Variants in TAFA5 observed in about 807,000 individuals in gnomAD.
TAFA5 encodes the protein chemokine-like protein TAFA-5.
TAFA5 carries 6 observed loss-of-function variants against 15.3 expected under a neutral mutation model. The ratio of observed to expected loss-of-function variants is 0.39; its 90% CI spans 0.21 to 0.77. The LOEUF (loss-of-function observed/expected upper bound fraction) is 0.77. TAFA5 is among the 30% of genes least tolerant of loss of function. The probability of loss-of-function intolerance (pLI) is 0.41; values close to 1 mark genes in which losing one functional copy is unlikely to be tolerated. For synonymous variants in TAFA5, 103 were observed against 80.7 expected (o/e 1.28, Z -1.48); for missense variants, 161 against 193.1 (o/e 0.83, Z 0.98).
At chr22:48,690,148 A>C (rs1928493404) in intron 2 of TAFA5, among the ~76,000 whole-genome samples, 1 of 151,938 alleles carries the variant, frequency 6.6e-6, no homozygotes, top group African/African-American at 2.4e-5. Flanking sequence ...AAAGATGCTC[A>C]TAACTGCATT....
At chr22:48,567,017 G>A (rs1923430675) in intron 1 of TAFA5, among the ~76,000 whole-genome samples, 1 of 152,232 alleles carries the variant, frequency 6.6e-6, no homozygotes, top group Middle Eastern at 3.2e-3. Context: ...TTGTCTCCAG[G>A]TTTCGCTGTT....
At chr22:48,686,425 T>C (rs967163771) in intron 2 of TAFA5, among the ~76,000 whole-genome samples, 4 of 152,222 alleles carry the variant, frequency 2.6e-5, no homozygotes, top group African/African-American at 9.6e-5. Flanking sequence ...GGGGCCTCTC[T>C]CAGGTCCTTT....
intron 3 of TAFA5, among the ~76,000 whole-genome samples, chr22:48,710,846 T>C (rs914981144): frequency 2.0e-5 from 3 of 152,170 alleles, no homozygotes; most frequent in African/African-American, 7.2e-5. Flanking sequence ...CCTCACGGGC[T>C]TGGGAGCTCA....
chr22:48,603,122 C>T (rs111754277), intron 1 of TAFA5, among the ~76,000 whole-genome samples: 3 of 152,376 alleles, frequency 2.0e-5, no homozygotes, highest in African/African-American at 7.2e-5. Flanking sequence ...CCCCCCACGT[C>T]CAGGACCTGC....
At chr22:48,587,756 A>G (rs1419707359) in intron 1 of TAFA5, among the ~76,000 whole-genome samples, 1 of 152,208 alleles carries the variant, frequency 6.6e-6, no homozygotes, top group Non-Finnish European at 1.5e-5. Context: ...CCGCGTGAGC[A>G]TGCTCCAAAC....
chr22:48,594,093 T>C (rs1233743262), intron 1 of TAFA5, among the ~76,000 whole-genome samples: 1 of 152,210 alleles, frequency 6.6e-6, no homozygotes, highest in Non-Finnish European at 1.5e-5. Flanking sequence ...TCCCAGGCCC[T>C]GGTCATGCTC....
intron 3 of TAFA5, among the ~76,000 whole-genome samples, chr22:48,722,679 T>C (rs915709078): frequency 2.6e-5 from 4 of 151,878 alleles, no homozygotes; most frequent in Non-Finnish European, 2.9e-5. Flanking sequence ...CGTTCTGCCA[T>C]GTACCCCAGA....
rs1928094142 is a variant in TAFA5, at chr22:48,490,149, C to G, written c.112+445C>G. Among the ~76,000 whole-genome samples the G allele has an allele frequency of 6.6e-6, 1 of 152,142 alleles. No individual in the cohort carries two copies. The highest frequency in any genetic ancestry group is 6.5e-5 in the Admixed American group (1 of 15,282). On this transcript the variant is annotated intron_variant, in intron 1 of 3. Transcript: ENST00000402357. The surrounding 1 kb of genome is among the most constrained non-coding windows in gnomAD (Gnocchi z 5.8). ...GACAAGGGGGGAGGCGGCGGCCGAG[C>G]CCGGAGAGGAGCTCTTCAGGCAGGA...
chr22:48,536,355 T>C (rs1223826950), intron 1 of TAFA5, among the ~76,000 whole-genome samples: 2 of 152,346 alleles, frequency 1.3e-5, no homozygotes, highest in East Asian at 3.9e-4. Context: ...ATGTCCTTTG[T>C]CCGCCAACAA....
At chr22:48,494,629 C>T (rs180752607) in intron 1 of TAFA5, among the ~76,000 whole-genome samples, 5 of 152,276 alleles carry the variant, frequency 3.3e-5, no homozygotes, top group African/African-American at 1.2e-4. Context: ...CTGACAAGGG[C>T]CCCCTGATCT....
At chr22:48,608,903 C>T (rs755926983) in intron 1 of TAFA5, among the ~76,000 whole-genome samples, 1 of 152,234 alleles carries the variant, frequency 6.6e-6, no homozygotes, top group Non-Finnish European at 1.5e-5. Context: ...TGTGCTGTAG[C>T]GGAATAGGGC....
At chr22:48,649,537 T>C (rs976477877) in intron 2 of TAFA5, among the ~76,000 whole-genome samples, 9 of 152,194 alleles carry the variant, frequency 5.9e-5, no homozygotes, top group African/African-American at 2.2e-4. Context: ...GTAGAAGGCA[T>C]CTGATTAAAC....
At chr22:48,621,271 C>T (rs1217299484) in intron 1 of TAFA5, among the ~76,000 whole-genome samples, 1 of 147,076 alleles carries the variant, frequency 6.8e-6, no homozygotes, top group East Asian at 2.1e-4. Flanking sequence ...ACCTATCCAC[C>T]CACTCACCAG....
In TAFA5 at chr22:48,585,367, TATTC is replaced by T. The variant is rs1448920455; in HGVS notation, c.113-61227_113-61224del. On this transcript the variant is annotated intron_variant, in intron 1 of 3. Transcript: ENST00000402357. ...AAATACACCACATACACATACAAAA[TATTC>T]ATACACCACACAGCACACACCACAC... Among the ~76,000 whole-genome samples the T allele has an allele frequency of 1.4e-4, 19 of 131,680 alleles. No homozygotes were observed. The Admixed American group carries it at 1.5e-3, about 10-fold the overall frequency. 86.4% of individuals were successfully genotyped at this position (131,680 alleles called of 152,430 possible).
At chr22:48,642,412 A>T (rs1236941512) in intron 1 of TAFA5, among the ~76,000 whole-genome samples, 2 of 151,562 alleles carry the variant, frequency 1.3e-5, no homozygotes, top group Non-Finnish European at 2.9e-5. Flanking sequence ...ACAGCTCCTG[A>T]CTCCTGGTGG....
intron 1 of TAFA5, among the ~76,000 whole-genome samples, chr22:48,617,570 T>C (rs1285642291): frequency 2.0e-5 from 3 of 152,240 alleles, no homozygotes; most frequent in East Asian, 3.9e-4. Context: ...CGGCACTCAC[T>C]GTCCTCACTG....
intron 1 of TAFA5, among the ~76,000 whole-genome samples, chr22:48,547,675 G>T (rs5768723): frequency 6.6e-6 from 1 of 152,060 alleles, no homozygotes; most frequent in Admixed American, 6.5e-5. Flanking sequence ...AACCTCGTAA[G>T]CCAGTGACTC....
Position 48,566,041 on chromosome 22 carries a change from T to A in TAFA5, c.112+76337T>A, listed in dbSNP as rs1192942602. Reference sequence around the variant, plus strand: ...GGCTAGATGGATGACGGATAGATGATGAGCTGATGATGGATGGATGATGGA... The same window carrying A: ...GGCTAGATGGATGACGGATAGATGAAGAGCTGATGATGGATGGATGATGGA... On this transcript the variant is annotated intron_variant, in intron 1 of 3. Coordinates refer to ENST00000402357, the MANE Select transcript of TAFA5 (RefSeq NM_001082967.3). This position sits in a 1 kb window ranked among gnomAD's most constrained non-coding sequence, Gnocchi z 4.5. 6.6e-6 allele frequency among the ~76,000 whole-genome samples: 1 copy of A among 150,694 alleles called. No homozygotes were observed. The highest frequency in any genetic ancestry group is 1.5e-5 in the Non-Finnish European group (1 of 67,752).
chr22:48,695,004 C>T (rs1928666616), intron 2 of TAFA5, among the ~76,000 whole-genome samples: 1 of 151,950 alleles, frequency 6.6e-6, no homozygotes, highest in South Asian at 2.1e-4. Flanking sequence ...GAGATGGTTT[C>T]ACAGTGACCG....
Sources: gnomAD v4.1 joint callset for allele counts (sites outside exome capture counted in the v4.1 genomes callset) on GRCh38, gnomAD v4.1.1 for gene constraint, Gnocchi (gnomAD v3.1) non-coding constraint, MANE v1.5 for transcripts, NCBI Gene and HGNC (gene_info 2026-07-23, HGNC 2026-07-21) for gene names.